Variants in BCL2L11 observed in about 807,000 individuals in gnomAD.
BCL2L11 encodes BCL2 like 11.
A neutral mutation model predicts 20.6 loss-of-function variants in BCL2L11; 15 were observed. The ratio of observed to expected loss-of-function variants is 0.73; its 90% CI spans 0.49 to 1.12. The LOEUF is 1.12. Among genes scored for constraint, BCL2L11 ranks in the 50% most tolerant of loss-of-function variants. BCL2L11 has a pLI of 0.00. For missense variants in BCL2L11, 292 were observed against 260.9 expected, an observed-to-expected ratio of 1.12 and a Z score of -0.82; for synonymous variants, 108 against 92.8, an observed-to-expected ratio of 1.16 and a Z score of -0.94.
chr2:111,154,374 AAAT>A (rs2150534251), intron 3 of BCL2L11, among the ~76,000 whole-genome samples: 1 of 151,882 alleles, frequency 6.6e-6, no homozygotes, highest in Non-Finnish European at 1.5e-5. Context: ...AAAAAAGAAA[AAAT>A]GTATTTTCTG....
chr2:111,161,604 A>G (rs2078557629), intron 3 of BCL2L11: 10 of 1,495,972 alleles, frequency 6.7e-6, no homozygotes, highest in African/African-American at 1.4e-5. Context: ...CACACTGCAA[A>G]TGACAGCTCC....
At chr2:111,136,349 G>A (rs1046840861) in intron 2 of BCL2L11, among the ~76,000 whole-genome samples, 3 of 152,226 alleles carry the variant, frequency 2.0e-5, no homozygotes, top group South Asian at 2.1e-4. Flanking sequence ...CCTATTTCCC[G>A]CTTCAGTTTT....
chr2:111,149,997 A>G (rs1323892597), intron 2 of BCL2L11, 47 bp from the exon 3 acceptor site: 2 of 1,537,980 alleles, frequency 1.3e-6, no homozygotes, highest in Non-Finnish European at 8.9e-7. Context: ...TTTCCCAGTG[A>G]TCTGTGGACC....
chr2:111,147,334 T>G (rs186986028), intron 2 of BCL2L11, among the ~76,000 whole-genome samples: 261 of 132,332 alleles, frequency 2.0e-3, no homozygotes, highest in Middle Eastern at 3.7e-3. Flanking sequence ...TGTATCTCTC[T>G]CTCTCTCTCT....
rs143272251 is a variant in BCL2L11, at chr2:111,154,614, T to G, written c.498+4467T>G. ...GAGCACTCCAGAGGTGATGTGTCAG[T>G]GTGGCACAGCAGGAAGCACATGATG... On this transcript the variant is annotated intron_variant, in intron 3 of 3. Coordinates refer to ENST00000393256, the MANE Select transcript of BCL2L11 (RefSeq NM_138621.5). 6.8e-3 allele frequency among the ~76,000 whole-genome samples: 1,036 copies of G among 152,316 alleles called. 18 individuals carry two copies. The highest frequency in any genetic ancestry group is 0.024 in the African/African-American group (984 of 41,564).
At chr2:111,162,267 C>G (rs562716276) in intron 3 of BCL2L11, among the ~76,000 whole-genome samples, 1 of 152,200 alleles carries the variant, frequency 6.6e-6, no homozygotes, top group Non-Finnish European at 1.5e-5. Flanking sequence ...AGCTTAAAAG[C>G]GTGTGCCATG....
chr2:111,157,086 G>A (rs1160066812), intron 3 of BCL2L11, among the ~76,000 whole-genome samples: 5 of 152,192 alleles, frequency 3.3e-5, no homozygotes, highest in Admixed American at 1.3e-4. Flanking sequence ...ATGGGCATCG[G>A]GCTAAAGGAC....
At chr2:111,160,838 C>G (rs1270207115) in intron 3 of BCL2L11, among the ~76,000 whole-genome samples, 2 of 152,206 alleles carry the variant, frequency 1.3e-5, no homozygotes, top group African/African-American at 4.8e-5. Flanking sequence ...TTACCCAACT[C>G]TGTAAGAAGG....
chr2:111,123,922 C>T lies in BCL2L11; in HGVS notation c.177C>T (p.Ser59=), dbSNP rs1394795184. The T allele has an allele frequency of 6.2e-7, 1 of 1,613,584 alleles. No individual in the cohort carries two copies. The highest frequency in any genetic ancestry group is 8.5e-7 in the Non-Finnish European group (1 of 1,179,756). Reference sequence around the variant, plus strand: ...AAGGGGACAGCTGCCCCCACGGCAGCCCTCAGGGCCCGCTGGCCCCACCTG... The same window carrying T: ...AAGGGGACAGCTGCCCCCACGGCAGTCCTCAGGGCCCGCTGGCCCCACCTG... ...GGEGDSCPHG[S]PQGPLAPPAS... is the part of the protein sequence containing the mutation. The change falls in exon 2 of 4, where the codon AGC becomes AGT. Residue 59 remains serine, a synonymous_variant. Transcript: ENST00000393256.
chr2:111,164,020 G>A lies in BCL2L11; in HGVS notation c.499-113G>A. 2.8e-6 allele frequency: 2 copies of A among 704,366 alleles called. 1 individual carries two copies. The highest frequency in any genetic ancestry group is 3.2e-5 in the South Asian group (2 of 62,092). The allele number at this position is 704,366 out of a possible 1,614,324, so 43.6% of individuals were successfully genotyped here. A position where few individuals can be genotyped will look rare whatever the true frequency, so the allele number is the denominator to read the frequency against. On this transcript the variant is annotated intron_variant, in intron 3 of 3. Transcript: ENST00000393256. The stretch of plus-strand genomic sequence containing the variant: ...TTTGTGACACAGTGCTCTTGAAGAG[G>A]TGCCTTTCATGGTGATTAAGATGGG...
chr2:111,154,064 C>G (rs1016299851), intron 3 of BCL2L11, among the ~76,000 whole-genome samples: 1 of 152,182 alleles, frequency 6.6e-6, no homozygotes, highest in African/African-American at 2.4e-5. Context: ...TTCAGACTTA[C>G]AAAAATGTTG....
At chr2:111,124,394 A>C (rs984067386) in intron 2 of BCL2L11, among the ~76,000 whole-genome samples, 1 of 151,642 alleles carries the variant, frequency 6.6e-6, no homozygotes, top group South Asian at 2.1e-4. Flanking sequence ...GGGTTCAAGC[A>C]ATTCTCCTAC....
At chr2:111,152,940 G>A (rs2077415355) in intron 3 of BCL2L11, among the ~76,000 whole-genome samples, 2 of 152,180 alleles carry the variant, frequency 1.3e-5, no homozygotes, top group South Asian at 4.1e-4. Context: ...AAATAATTCA[G>A]TGCAAAAATA....
At chr2:111,129,206 A>G (rs140881890) in intron 2 of BCL2L11, among the ~76,000 whole-genome samples, 5 of 152,260 alleles carry the variant, frequency 3.3e-5, no homozygotes, top group Admixed American at 1.3e-4. Context: ...GGTAGAGCAC[A>G]TGCTTTCTCA....
In BCL2L11 at chr2:111,167,307, C is replaced by A. The variant is rs1267637023; in HGVS notation, c.*3076C>A. 1 of 152,122 alleles carries A rather than the reference C, an allele frequency of 6.6e-6. No individual in the cohort carries two copies. Among genetic ancestry groups the A allele is most frequent in the Non-Finnish European group, 1.5e-5 (1 of 68,032 alleles). The allele number at this position is 152,122 out of a possible 1,614,324, so 9.4% of individuals were successfully genotyped here. Reference sequence around the variant, plus strand: ...GGTTTCAATTCTTGGGCTTTGCCGCCCTTATGATGAAGTGTGTGTTTGATG... The same window carrying A: ...GGTTTCAATTCTTGGGCTTTGCCGCACTTATGATGAAGTGTGTGTTTGATG... On this transcript the variant is annotated 3_prime_UTR_variant, in exon 4 of 4. Coordinates refer to ENST00000393256, the MANE Select transcript of BCL2L11 (RefSeq NM_138621.5).
chr2:111,138,529 A>T (rs982621928), intron 2 of BCL2L11, among the ~76,000 whole-genome samples: 2 of 152,122 alleles, frequency 1.3e-5, no homozygotes, highest in Non-Finnish European at 2.9e-5. Context: ...ATTGTTGAAG[A>T]TTTTGTCCAG....
chr2:111,143,238 T>C (rs937713659), intron 2 of BCL2L11, among the ~76,000 whole-genome samples: 1 of 152,172 alleles, frequency 6.6e-6, no homozygotes, highest in Non-Finnish European at 1.5e-5. Flanking sequence ...TAAGGAGTAG[T>C]AGCAGTATTC....
chr2:111,146,085 T>G (rs1435577495), intron 2 of BCL2L11: 12 of 985,216 alleles, frequency 1.2e-5, no homozygotes, highest in Non-Finnish European at 1.4e-5. Context: ...TTATTGTGCT[T>G]TAAAAAAAAA....
chr2:111,167,780 C>G lies in BCL2L11; in HGVS notation c.*3549C>G, dbSNP rs1475669988. On this transcript the variant is annotated 3_prime_UTR_variant, in exon 4 of 4. Coordinates refer to ENST00000393256, the MANE Select transcript of BCL2L11 (RefSeq NM_138621.5). ...GGAGCTAATTAACTGTACAGCCCTC[C>G]CCACGCCCCACCCATACGGTCACTG... 1 of 152,634 alleles carries G rather than the reference C, an allele frequency of 6.6e-6. No individual in the cohort carries two copies. The highest frequency in any genetic ancestry group is 2.4e-5 in the African/African-American group (1 of 41,456). 9.5% of individuals were successfully genotyped at this position (152,634 alleles called of 1,614,324 possible).
Sources: allele counts gnomAD v4.1 joint callset (sites outside exome capture counted in the v4.1 genomes callset), GRCh38; gene constraint gnomAD v4.1.1; transcripts MANE v1.5; gene names NCBI Gene and HGNC (gene_info 2026-07-23, HGNC 2026-07-21).